Variants in ATP11A observed in about 807,000 individuals in gnomAD.
The protein encoded by ATP11A is ATPase phospholipid transporting 11A, also known as phospholipid-transporting ATPase IH.
A neutral mutation model predicts 154.4 loss-of-function variants in ATP11A; 81 were observed. That is an observed-to-expected ratio of 0.52 (90% CI 0.44 to 0.63). The LOEUF is 0.63. ATP11A is among the 30% of genes least tolerant of loss of function. The pLI, the probability that ATP11A is intolerant of heterozygous loss-of-function variation, is 0.00. For synonymous variants in ATP11A, 623 were observed against 585.9 expected (o/e 1.06, Z -0.91); for missense variants, 1,316 against 1,474.3 (o/e 0.89, Z 1.76).
intron 1 of ATP11A, among the ~76,000 whole-genome samples, chr13:112,720,810 C>T (rs542664132): frequency 6.6e-6 from 1 of 152,280 alleles, no homozygotes; most frequent in South Asian, 2.1e-4. Context: ...CCTGCCTTGG[C>T]CTCTCAAAGT....
chr13:112,863,069 G>A (rs111331927), intron 25 of ATP11A, among the ~76,000 whole-genome samples: 70 of 144,746 alleles, frequency 4.8e-4, no homozygotes, highest in African/African-American at 1.8e-3. Flanking sequence ...TCCCAGCAGG[G>A]TCCATCACCA....
chr13:112,880,333 C>T (rs2080847074), intron 29 of ATP11A: 2 of 221,480 alleles, frequency 9.0e-6, no homozygotes, highest in Non-Finnish European at 1.7e-5. Flanking sequence ...GTTCTGGGCT[C>T]GGGCCCCTCA....
chr13:112,793,294 CG>C, intron 2 of ATP11A, among the ~76,000 whole-genome samples: 2 of 152,248 alleles, frequency 1.3e-5, no homozygotes, highest in Admixed American at 1.3e-4. Flanking sequence ...CTCCACCGCC[CG>C]GGTTTAAGTG....
chr13:112,721,086 CG>C (rs2139632808), intron 1 of ATP11A, among the ~76,000 whole-genome samples: 1 of 152,144 alleles, frequency 6.6e-6, no homozygotes, highest in African/African-American at 2.4e-5. Flanking sequence ...AGTTGCTGAT[CG>C]GGAAAGGGTG....
At chr13:112,751,629 C>T (rs2076692184) in intron 1 of ATP11A, among the ~76,000 whole-genome samples, 1 of 152,018 alleles carries the variant, frequency 6.6e-6, no homozygotes, top group Admixed American at 6.6e-5. Context: ...CAGTGCACTT[C>T]AGCCTGGGCG....
intron 6 of ATP11A, among the ~76,000 whole-genome samples, chr13:112,817,313 G>A (rs2078671834): frequency 6.6e-6 from 1 of 152,118 alleles, no homozygotes; most frequent in African/African-American, 2.4e-5. Context: ...ATCACTGAAG[G>A]ATATGCTAGT....
At position 112,875,699 on chromosome 13, in the gene ATP11A, C is replaced by A; in HGVS notation, c.3162-77C>A. On this transcript the variant is annotated intron_variant, in intron 27 of 29. Transcript: ENST00000375645. This position sits in a 1 kb window ranked among gnomAD's most constrained non-coding sequence, Gnocchi z 4.1. Reference sequence around the variant, plus strand: ...CAAAAGTGTAAACTCCCTGAACAGACGGCCTCTCCAGTGAGTAGAGAGGCC... The same window carrying A: ...CAAAAGTGTAAACTCCCTGAACAGAAGGCCTCTCCAGTGAGTAGAGAGGCC... 2 of 1,479,654 alleles carry A rather than the reference C, an allele frequency of 1.4e-6. No homozygotes were observed. The highest frequency in any genetic ancestry group is 9.2e-7 in the Non-Finnish European group (1 of 1,084,790). The allele number at this position is 1,479,654 out of a possible 1,614,324, so 91.7% of individuals were successfully genotyped here.
rs1343294292 is a variant in ATP11A, at chr13:112,864,185, C to T, written c.2991+1610C>T. On this transcript the variant is annotated intron_variant, in intron 25 of 29. Transcript: ENST00000375645. The stretch of plus-strand genomic sequence containing the variant: ...ACCTGCGCAGTAATTCAGTGCAGCA[C>T]GTGCAGCTTCCCAGCGGGGTCCATC... Among the ~76,000 whole-genome samples the T allele has an allele frequency of 7.4e-5, 9 of 122,348 alleles. 1 individual carries two copies. Among genetic ancestry groups the T allele is most frequent in the Admixed American group, 2.6e-4 (3 of 11,394 alleles). The allele number at this position is 122,348 out of a possible 152,430, so 80.3% of individuals were successfully genotyped here. A position where few individuals can be genotyped will look rare whatever the true frequency, so the allele number is the denominator to read the frequency against.
chr13:112,851,296 T>G (rs2079758182), intron 18 of ATP11A, 78 bp downstream of exon 18: 30 of 1,471,030 alleles, frequency 2.0e-5, no homozygotes, highest in Non-Finnish European at 2.8e-5. Context: ...TGAGGGCGAG[T>G]GGACGGGAGG....
At chr13:112,797,035 C>T (rs2078017627) in intron 2 of ATP11A, among the ~76,000 whole-genome samples, 1 of 152,014 alleles carries the variant, frequency 6.6e-6, no homozygotes, top group African/African-American at 2.4e-5. Context: ...CTAAGGTGGG[C>T]AGATCACCTG....
intron 1 of ATP11A, among the ~76,000 whole-genome samples, chr13:112,734,564 T>C (rs1045597202): frequency 6.6e-6 from 1 of 152,190 alleles, no homozygotes; most frequent in African/African-American, 2.4e-5. Flanking sequence ...AGTCAAACCC[T>C]GACTGTATCG....
At chr13:112,812,880 G>C (rs74648610) in intron 5 of ATP11A, among the ~76,000 whole-genome samples, 1 of 152,182 alleles carries the variant, frequency 6.6e-6, no homozygotes, top group African/African-American at 2.4e-5. Flanking sequence ...GCAGGCATCC[G>C]GTCCCAGGCC....
At chr13:112,831,766 C>A (rs1474226519) in intron 13 of ATP11A, among the ~76,000 whole-genome samples, 1 of 152,226 alleles carries the variant, frequency 6.6e-6, no homozygotes, top group African/African-American at 2.4e-5. Context: ...ACCATAGAAG[C>A]AGGGCAAACA....
Position 112,855,951 on chromosome 13 carries a change from G to C in ATP11A, c.2284G>C (p.Gly762Arg). The stretch of plus-strand genomic sequence containing the variant: ...GCAGGACTACGGTTTAATTATCGAC[G>C]GAGCTGCACTGTCTCTGATAATGAA... ...DMQDYGLIID[G>R]AALSLIMKPR... The change falls in exon 20 of 30, where the codon GGA (glycine) becomes CGA (arginine). Residue 762 changes from glycine (G) to arginine (R), a missense_variant. Gly to Arg is a moderately radical substitution (Grantham distance 125). Transcript: ENST00000375645. The C allele has an allele frequency of 1.2e-6, 2 of 1,613,886 alleles. No homozygotes were observed. Among genetic ancestry groups the C allele is most frequent in the South Asian group, 2.2e-5 (2 of 91,044 alleles).
At chr13:112,780,452 C>A (rs1200801715) in intron 1 of ATP11A, among the ~76,000 whole-genome samples, 1 of 152,226 alleles carries the variant, frequency 6.6e-6, no homozygotes, top group East Asian at 1.9e-4. Context: ...TTGCTTCACA[C>A]ATGGGATGCT....
intron 1 of ATP11A, among the ~76,000 whole-genome samples, chr13:112,704,270 T>C (rs282578): frequency 0.84 from 127,973 of 152,178 alleles, 54,116 homozygotes; most frequent in East Asian, 0.96. Context: ...GCCCAGTTGT[T>C]GTACGCACAA....
chr13:112,701,450 C>A (rs920674349), intron 1 of ATP11A, among the ~76,000 whole-genome samples: 1 of 152,118 alleles, frequency 6.6e-6, no homozygotes, highest in East Asian at 1.9e-4. Flanking sequence ...TTTGAAATGC[C>A]AAGAATCCCA....
chr13:112,832,028 A>T (rs1482834507), intron 13 of ATP11A, among the ~76,000 whole-genome samples: 1 of 151,484 alleles, frequency 6.6e-6, no homozygotes, highest in African/African-American at 2.4e-5. Context: ...ATGCAGACAC[A>T]CTCTCACACA....
At chr13:112,708,016 T>C (rs1442934496) in intron 1 of ATP11A, among the ~76,000 whole-genome samples, 1 of 152,168 alleles carries the variant, frequency 6.6e-6, no homozygotes, top group Non-Finnish European at 1.5e-5. Context: ...AGGGCCCAAT[T>C]CTTCTCCATG....
Sources: gnomAD v4.1 joint callset for allele counts (sites outside exome capture counted in the v4.1 genomes callset) on GRCh38, gnomAD v4.1.1 for gene constraint, Gnocchi (gnomAD v3.1) non-coding constraint, MANE v1.5 for transcripts, NCBI Gene and HGNC (gene_info 2026-07-23, HGNC 2026-07-21) for gene names.